The following CFAP119 variants were observed in gnomAD, a reference collection of about 807,000 sequenced individuals.
CFAP119 encodes the protein cilia- and flagella-associated protein 119.
the CFAP119 span, chr16:30,759,058 CG>C: frequency 1.2e-6 from 2 of 1,614,222 alleles, no homozygotes; most frequent in Admixed American, 1.7e-5. Flanking sequence ...CCTCTTTCTG[CG>C]GGGTAACTGC....
the CFAP119 span, chr16:30,761,970 C>T: frequency 3.5e-6 from 2 of 574,564 alleles, no homozygotes; most frequent in Non-Finnish European, 6.1e-6. Context: ...GCGGAAAGCG[C>T]AGGCTCACGC....
the CFAP119 span, chr16:30,757,457 T>C: frequency 2.0e-5 from 32 of 1,607,952 alleles, no homozygotes; most frequent in South Asian, 4.4e-5. Flanking sequence ...CAGACCTTTA[T>C]TGGGGAAAAT....
the CFAP119 span, chr16:30,757,691 G>GA: frequency 6.4e-7 from 1 of 1,574,134 alleles, no homozygotes; most frequent in Non-Finnish European, 8.6e-7. Context: ...GGTGAGGAGA[G>GA]ATGCTGTCTG....
At chr16:30,759,485 C>T in the CFAP119 span, 1 of 1,614,162 alleles carries the variant, frequency 6.2e-7, no homozygotes, top group Non-Finnish European at 8.5e-7. Flanking sequence ...GAATTAGAAC[C>T]CTGACTACCT....
chr16:30,761,325 C>T, the CFAP119 span: 2 of 1,560,854 alleles, frequency 1.3e-6, no homozygotes, highest in Non-Finnish European at 1.8e-6. Context: ...CTTGCCATCT[C>T]ATCTCAAGGA....
At chr16:30,760,978 G>T in the CFAP119 span, 7 of 618,558 alleles carry the variant, frequency 1.1e-5, no homozygotes, top group Middle Eastern at 4.3e-4. Context: ...TAGCGGCCAT[G>T]AGACTCCATT....
At chr16:30,759,621 G>C in the CFAP119 span, 1 of 1,614,072 alleles carries the variant, frequency 6.2e-7, no homozygotes. Context: ...CTGGGGATGG[G>C]TAAAGTTTCC....
chr16:30,762,037 C>T, the CFAP119 span: 1 of 481,202 alleles, frequency 2.1e-6, no homozygotes, highest in Non-Finnish European at 3.7e-6. Context: ...CCCACCTGGG[C>T]GCCCTCTCTT....
the CFAP119 span, chr16:30,761,582 G>A: frequency 6.5e-7 from 1 of 1,536,042 alleles, no homozygotes; most frequent in Non-Finnish European, 8.7e-7. Flanking sequence ...ATCCGCTTTC[G>A]CCGCCGCCGC....
chr16:30,760,760 G>A, the CFAP119 span: 47 of 1,193,716 alleles, frequency 3.9e-5, 1 homozygote, highest in South Asian at 2.3e-4. Context: ...GTTGGCCACC[G>A]GCGTGAAGCT....
At chr16:30,761,363 C>CTTCA in the CFAP119 span, 1 of 1,415,380 alleles carries the variant, frequency 7.1e-7, no homozygotes, top group South Asian at 1.2e-5. Flanking sequence ...CGAGGGAGGG[C>CTTCA]TTCAGCAGGC....
the CFAP119 span, chr16:30,761,356 G>A: frequency 6.9e-7 from 1 of 1,452,088 alleles, no homozygotes; most frequent in Non-Finnish European, 9.7e-7. Context: ...GCGCGGGCGA[G>A]GGAGGGCTTC....
chr16:30,760,919 G>A, the CFAP119 span: 1 of 612,674 alleles, frequency 1.6e-6, no homozygotes, highest in East Asian at 2.7e-5. Context: ...TATGACCTTG[G>A]TCAAGTACTC....
At chr16:30,758,941 G>A in the CFAP119 span, 2 of 1,590,366 alleles carry the variant, frequency 1.3e-6, no homozygotes, top group South Asian at 2.3e-5. Flanking sequence ...CTGAAGTCCT[G>A]ATGTCATCCA....
At chr16:30,759,347 G>A in the CFAP119 span, 4 of 1,613,844 alleles carry the variant, frequency 2.5e-6, no homozygotes, top group Non-Finnish European at 3.4e-6. Context: ...CCTACCTGGG[G>A]TGTGAAGACG....
chr16:30,761,444 C>T, the CFAP119 span: 6 of 1,494,770 alleles, frequency 4.0e-6, no homozygotes, highest in South Asian at 1.2e-5. Flanking sequence ...CCAAGCAGCC[C>T]GGGAGACGTC....
the CFAP119 span, chr16:30,761,574 C>T: frequency 6.5e-7 from 1 of 1,536,176 alleles, no homozygotes; most frequent in Non-Finnish European, 8.7e-7. Context: ...GGGTCTTCAT[C>T]CGCTTTCGCC....
At chr16:30,757,703 C>T in the CFAP119 span, 2 of 1,558,364 alleles carry the variant, frequency 1.3e-6, no homozygotes, top group South Asian at 1.2e-5. Flanking sequence ...TGCTGTCTGG[C>T]AATGGGGGGA....
the CFAP119 span, chr16:30,760,823 C>T: frequency 1.4e-6 from 1 of 693,388 alleles, no homozygotes; most frequent in Non-Finnish European, 2.6e-6. Flanking sequence ...ACTCTCTGGG[C>T]CTAAATGAAC....
Sources: gnomAD v4.1 joint callset for allele counts on GRCh38, gnomAD v4.1.1 for gene constraint, MANE v1.5 for transcripts, NCBI Gene and HGNC (gene_info 2026-07-23, HGNC 2026-07-21) for gene names.